Variants in CAMTA1 observed in about 807,000 individuals in gnomAD.
The protein encoded by CAMTA1 is calmodulin-binding transcription activator 1.
In CAMTA1, 27 loss-of-function variants were observed where a neutral mutation model predicts 170.9. That is an observed-to-expected ratio of 0.16 (90% CI 0.12 to 0.22). The LOEUF (loss-of-function observed/expected upper bound fraction) is 0.22. Among genes scored for constraint, CAMTA1 ranks in the 10% least tolerant of loss-of-function variants. The probability of loss-of-function intolerance (pLI) is 1.00; values close to 1 mark genes in which losing one functional copy is unlikely to be tolerated. For missense variants in CAMTA1, 1,619 were observed against 2,217.2 expected, an observed-to-expected ratio of 0.73 and a Z score of 5.42; for synonymous variants, 833 against 891.5, an observed-to-expected ratio of 0.93 and a Z score of 1.17.
intron 3 of CAMTA1, among the ~76,000 whole-genome samples, chr1:6,999,632 C>T (rs1183234090): frequency 1.3e-5 from 2 of 152,250 alleles, no homozygotes; most frequent in Non-Finnish European, 2.9e-5. Context: ...ATCTGCCTAC[C>T]CCAGCCTCCC....
intron 6 of CAMTA1, among the ~76,000 whole-genome samples, chr1:7,528,127 A>G (rs895572709): frequency 6.6e-6 from 1 of 152,204 alleles, no homozygotes; most frequent in African/African-American, 2.4e-5. Flanking sequence ...CCTTGGGAAG[A>G]AAAAGCTTGC....
chr1:7,126,348 T>A (rs1007043531), intron 4 of CAMTA1, among the ~76,000 whole-genome samples: 1 of 152,144 alleles, frequency 6.6e-6, no homozygotes, highest in African/African-American at 2.4e-5. Flanking sequence ...TTCTACCCCC[T>A]CCCTAATTCA....
intron 6 of CAMTA1, among the ~76,000 whole-genome samples, chr1:7,552,191 AC>A (rs56349198): frequency 0.6 from 90,914 of 151,396 alleles, 27,708 homozygotes; most frequent in South Asian, 0.68. Flanking sequence ...AGGCCACCAC[AC>A]CCCCCCAGTG....
At chr1:7,024,293 A>T (rs1701768200) in intron 3 of CAMTA1, among the ~76,000 whole-genome samples, 1 of 152,192 alleles carries the variant, frequency 6.6e-6, no homozygotes, top group Admixed American at 6.5e-5. Flanking sequence ...AGGTGGAATA[A>T]ATAAAAGCAA....
At chr1:6,786,828 T>C (rs933545666) in intron 1 of CAMTA1, among the ~76,000 whole-genome samples, 1 of 152,198 alleles carries the variant, frequency 6.6e-6, no homozygotes, top group African/African-American at 2.4e-5. Flanking sequence ...AGGGCTTCCA[T>C]TGTGCCTAGT....
rs953098398 is a variant in CAMTA1 at position 7,416,395 on chromosome 1, A to G, written c.439-51435A>G. Among the ~76,000 whole-genome samples, 26 of 152,326 alleles carry G rather than the reference A, an allele frequency of 1.7e-4. No individual in the cohort carries two copies. In the East Asian group the frequency reaches 2.9e-3, roughly 17 times the overall value. On this transcript the variant is annotated intron_variant, in intron 5 of 22. Transcript: ENST00000303635. Reference sequence around the variant, plus strand: ...CATTCTCCCCGTCACTTTCAGGCACACCAATCAGACGTAGATTTGGTCTTT... The same window carrying G: ...CATTCTCCCCGTCACTTTCAGGCACGCCAATCAGACGTAGATTTGGTCTTT...
chr1:6,869,062 T>G, intron 3 of CAMTA1, among the ~76,000 whole-genome samples: 1 of 152,224 alleles, frequency 6.6e-6, no homozygotes, highest in East Asian at 1.9e-4. Context: ...TTCTGCCAGT[T>G]GGGGATTTGT....
rs1309232739 is a variant in CAMTA1, at chr1:6,887,963, C to CA, written c.234+62754dup. 1.2e-5 allele frequency: 15 copies of CA among 1,253,306 alleles called. No homozygotes were observed. Among genetic ancestry groups the CA allele is most frequent in the Middle Eastern group, 3.2e-4 (1 of 3,142 alleles). 77.6% of individuals were successfully genotyped at this position (1,253,306 alleles called of 1,614,324 possible). A position where few individuals can be genotyped will look rare whatever the true frequency, so the allele number is the denominator to read the frequency against. ...GCTCTGGAGAGCAGGGCTCTGTGCA[C>CA]ACGCCTCCTGGTCCAGAGGCCTCCG... On this transcript the variant is annotated intron_variant, in intron 3 of 22. Transcript: ENST00000303635. This position sits in a 1 kb window ranked among gnomAD's most constrained non-coding sequence, Gnocchi z 4.1.
intron 4 of CAMTA1, among the ~76,000 whole-genome samples, chr1:7,238,328 C>T (rs952060419): frequency 2.0e-5 from 3 of 152,146 alleles, no homozygotes; most frequent in African/African-American, 7.2e-5. Flanking sequence ...TGAATGTTGA[C>T]TCTCACGCTT....
intron 3 of CAMTA1, among the ~76,000 whole-genome samples, chr1:7,077,098 T>C (rs1021142762): frequency 3.3e-5 from 5 of 152,234 alleles, no homozygotes; most frequent in Non-Finnish European, 5.9e-5. Flanking sequence ...AGCTACACAA[T>C]TACCTTGTTT....
At chr1:7,622,371 A>T (rs182397540) in intron 6 of CAMTA1, among the ~76,000 whole-genome samples, 1 of 152,250 alleles carries the variant, frequency 6.6e-6, no homozygotes, top group Admixed American at 6.5e-5. Flanking sequence ...GTGTGATTCC[A>T]CTCCACATCC....
intron 7 of CAMTA1, among the ~76,000 whole-genome samples, chr1:7,650,946 G>A (rs960995539): frequency 3.3e-5 from 5 of 152,148 alleles, no homozygotes; most frequent in Non-Finnish European, 7.3e-5. Context: ...TGACCTTGTC[G>A]CCATGGAGAC....
chr1:7,452,986 C>T (rs1236599951), intron 5 of CAMTA1, among the ~76,000 whole-genome samples: 2 of 149,138 alleles, frequency 1.3e-5, no homozygotes, highest in Admixed American at 1.3e-4. Flanking sequence ...TTCCAGTTGA[C>T]TAACTAGACT....
At chr1:7,486,311 A>C (rs1557792906) in intron 6 of CAMTA1, among the ~76,000 whole-genome samples, 3 of 152,248 alleles carry the variant, frequency 2.0e-5, no homozygotes, top group Non-Finnish European at 4.4e-5. Context: ...TCAAGCTACC[A>C]ACATGATATC....
intron 3 of CAMTA1, among the ~76,000 whole-genome samples, chr1:6,868,860 G>A (rs1667542201): frequency 6.6e-6 from 1 of 152,240 alleles, no homozygotes; most frequent in South Asian, 2.1e-4. Flanking sequence ...AGATAGGGCA[G>A]TGTAGAGTAG....
intron 3 of CAMTA1, chr1:6,886,450 T>C (rs1282855380): frequency 1.1e-5 from 4 of 367,808 alleles, no homozygotes; most frequent in Non-Finnish European, 1.1e-5. Flanking sequence ...GCCATAAATG[T>C]CACTCGTGCT....
intron 6 of CAMTA1, among the ~76,000 whole-genome samples, chr1:7,513,946 CAT>C (rs951701508): frequency 2.6e-5 from 4 of 151,726 alleles, no homozygotes; most frequent in Non-Finnish European, 5.9e-5. Flanking sequence ...CACACACACA[CAT>C]ACACACACAC....
chr1:7,640,370 T>G (rs2095751702), intron 6 of CAMTA1, 30 bp from the exon 7 acceptor site: 1 of 1,611,646 alleles, frequency 6.2e-7, no homozygotes, highest in Non-Finnish European at 8.5e-7. Context: ...CATGCCACCC[T>G]CATGCTGCCA....
chr1:7,182,669 A>G lies in CAMTA1; in HGVS notation c.303-66822A>G, dbSNP rs538100763. ...ACAGTCAAAATGCAAATGACTTTGT[A>G]GGAGAAGGTATTTGCAGCATATATC... On this transcript the variant is annotated intron_variant, in intron 4 of 22. Coordinates refer to ENST00000303635, the MANE Select transcript of CAMTA1 (RefSeq NM_015215.4). Among the ~76,000 whole-genome samples, 10 of 152,306 alleles carry G rather than the reference A, an allele frequency of 6.6e-5. No homozygotes were observed. The South Asian group carries it at 1.9e-3, about 28-fold the overall frequency.
Sources: gnomAD v4.1 joint callset for allele counts (sites outside exome capture counted in the v4.1 genomes callset) on GRCh38, gnomAD v4.1.1 for gene constraint, Gnocchi (gnomAD v3.1) non-coding constraint, MANE v1.5 for transcripts, NCBI Gene and HGNC (gene_info 2026-07-23, HGNC 2026-07-21) for gene names.